The following STIM1 variants were observed in gnomAD, a reference collection of about 807,000 sequenced individuals.
STIM1 encodes stromal interaction molecule 1.
In STIM1, 25 loss-of-function variants were observed where a neutral mutation model predicts 74.7. The ratio of observed to expected loss-of-function variants is 0.33; its 90% confidence interval spans 0.24 to 0.47. The LOEUF (loss-of-function observed/expected upper bound fraction) is 0.47, where lower values mean the gene tolerates loss of function less well. Ranked by LOEUF, STIM1 falls within the 20% of genes least tolerant of loss-of-function variation. STIM1 has a pLI of 1.00. For synonymous variants in STIM1, 328 were observed against 348.8 expected (o/e 0.94, Z 0.66); for missense variants, 728 against 920.8 (o/e 0.79, Z 2.71).
At chr11:3,990,991 A>G (rs2093605328) in intron 2 of STIM1, among the ~76,000 whole-genome samples, 1 of 152,006 alleles carries the variant, frequency 6.6e-6, no homozygotes, top group Non-Finnish European at 1.5e-5. Context: ...CCCAGTATCT[A>G]TTGTTCACAT....
At chr11:3,862,249 A>C (rs1327436612) in intron 1 of STIM1, among the ~76,000 whole-genome samples, 4 of 152,190 alleles carry the variant, frequency 2.6e-5, no homozygotes, top group Non-Finnish European at 5.9e-5. Flanking sequence ...ATTCCCCCTA[A>C]AAAGTAAGAC....
intron 1 of STIM1, among the ~76,000 whole-genome samples, chr11:3,904,647 G>C (rs2092431772): frequency 6.6e-6 from 1 of 152,184 alleles, no homozygotes; most frequent in African/African-American, 2.4e-5. Flanking sequence ...TGCAGTAGCA[G>C]ATGATGAGGC....
intron 1 of STIM1, among the ~76,000 whole-genome samples, chr11:3,862,977 C>T (rs1456651576): frequency 6.6e-6 from 1 of 152,068 alleles, no homozygotes; most frequent in African/African-American, 2.4e-5. Flanking sequence ...ACTGCAAACT[C>T]CACCTCCTGG....
chr11:3,975,543 G>A (rs980319787), intron 2 of STIM1, among the ~76,000 whole-genome samples: 19 of 152,276 alleles, frequency 1.2e-4, no homozygotes, highest in East Asian at 7.7e-4. Flanking sequence ...GCTTGAAGCC[G>A]GGAGGCGGAG....
intron 2 of STIM1, among the ~76,000 whole-genome samples, chr11:3,990,446 C>G (rs1281240789): frequency 6.6e-6 from 1 of 152,156 alleles, no homozygotes; most frequent in Non-Finnish European, 1.5e-5. Flanking sequence ...CTCTTGGGTA[C>G]ATACATATGA....
chr11:3,903,117 A>G (rs2092391346), intron 1 of STIM1, among the ~76,000 whole-genome samples: 2 of 152,190 alleles, frequency 1.3e-5, no homozygotes, highest in Non-Finnish European at 2.9e-5. Flanking sequence ...CAACCCTATG[A>G]AAGTAGGTAC....
intron 1 of STIM1, among the ~76,000 whole-genome samples, chr11:3,931,994 C>T (rs920389207): frequency 7.2e-5 from 11 of 152,138 alleles, no homozygotes; most frequent in African/African-American, 1.4e-4. Context: ...GTAAATTGCA[C>T]GCTGTTTACA....
chr11:4,090,695 C>T (rs1165762722), intron 12 of STIM1, among the ~76,000 whole-genome samples: 1 of 152,146 alleles, frequency 6.6e-6, no homozygotes, highest in South Asian at 2.1e-4. Context: ...AATGGTGACT[C>T]GGAGCAGGCT....
rs2133264174 is a variant in STIM1 at position 4,091,422 on chromosome 11, A to G, written c.1775A>G (p.Glu592Gly). The G allele has an allele frequency of 2.5e-6, 4 of 1,614,128 alleles. No individual in the cohort carries two copies. The highest frequency in any genetic ancestry group is 2.5e-6 in the Non-Finnish European group (3 of 1,180,012). The change falls in exon 13 of 13, where the codon GAG (glutamate) becomes GGG (glycine). Residue 592 changes from glutamate (E) to glycine (G), a missense_variant. Glu to Gly is a moderately conservative substitution (Grantham distance 98). Transcript: ENST00000526596. Reference protein sequence around the residue: ...MTSNGSHRLIEGVHPGSLVEK... With the variant: ...MTSNGSHRLIGGVHPGSLVEK... Reference sequence around the variant, plus strand: ...TCCAATGGCAGCCACCGGCTGATCGAGGGGGTCCACCCAGGGTCTCTGGTG... The same window carrying G: ...TCCAATGGCAGCCACCGGCTGATCGGGGGGGTCCACCCAGGGTCTCTGGTG...
chr11:4,032,615 T>A (rs980892775), intron 3 of STIM1, among the ~76,000 whole-genome samples: 3 of 152,204 alleles, frequency 2.0e-5, no homozygotes, highest in African/African-American at 7.2e-5. Flanking sequence ...AGAACTGACA[T>A]CTTCAAAATA....
chr11:3,974,299 A>G (rs1015715092), intron 2 of STIM1: 2 of 292,948 alleles, frequency 6.8e-6, no homozygotes, highest in Non-Finnish European at 1.3e-5. Flanking sequence ...AGAAAAAGCC[A>G]TTCTCGTTTC....
At chr11:4,029,563 G>A (rs1469115282) in intron 3 of STIM1, among the ~76,000 whole-genome samples, 5 of 143,974 alleles carry the variant, frequency 3.5e-5, no homozygotes, top group Admixed American at 7.0e-5. Context: ...GAGGAGGGAC[G>A]GAAGGAGGGT....
intron 1 of STIM1, among the ~76,000 whole-genome samples, chr11:3,871,126 C>A (rs2091077338): frequency 6.6e-6 from 1 of 152,014 alleles, no homozygotes; most frequent in Non-Finnish European, 1.5e-5. Context: ...TTCGGCCTCC[C>A]AAAGTGTTGG....
intron 1 of STIM1, among the ~76,000 whole-genome samples, chr11:3,867,791 C>G (rs12272635): frequency 0.013 from 1,943 of 152,242 alleles, 44 homozygotes; most frequent in African/African-American, 0.044. Flanking sequence ...ACACAGAGCC[C>G]CTGGCTGCCT....
chr11:3,977,457 G>T (rs992094087), intron 2 of STIM1, among the ~76,000 whole-genome samples: 9 of 152,166 alleles, frequency 5.9e-5, no homozygotes, highest in Non-Finnish European at 1.3e-4. Context: ...ACTCCATTCT[G>T]CCTCTTCCAG....
At chr11:3,978,102 A>T (rs943854788) in intron 2 of STIM1, among the ~76,000 whole-genome samples, 2 of 151,738 alleles carry the variant, frequency 1.3e-5, no homozygotes, top group Admixed American at 1.3e-4. Flanking sequence ...TATAGGGACT[A>T]CAACTTTTCT....
chr11:3,925,932 T>A (rs2092782926), intron 1 of STIM1, among the ~76,000 whole-genome samples: 1 of 152,206 alleles, frequency 6.6e-6, no homozygotes, highest in Non-Finnish European at 1.5e-5. Flanking sequence ...CATACAGTAT[T>A]CTAAGTATCT....
chr11:3,930,825 G>C (rs1248085080), intron 1 of STIM1, among the ~76,000 whole-genome samples: 1 of 152,206 alleles, frequency 6.6e-6, no homozygotes, highest in Non-Finnish European at 1.5e-5. Flanking sequence ...GGCTACCTTA[G>C]GGCCGAGCAG....
chr11:4,074,999 G>C (rs112015190), intron 7 of STIM1, among the ~76,000 whole-genome samples: 2,783 of 152,090 alleles, frequency 0.018, 82 homozygotes, highest in African/African-American at 0.064. Flanking sequence ...AAATTAGCCG[G>C]GTGTGGCGGC....
Sources: gnomAD v4.1 joint callset for allele counts (sites outside exome capture counted in the v4.1 genomes callset) on GRCh38, gnomAD v4.1.1 for gene constraint, MANE v1.5 for transcripts, NCBI Gene and HGNC (gene_info 2026-07-23, HGNC 2026-07-21) for gene names.